Variants in ELMO1 observed in about 807,000 individuals in gnomAD.
ELMO1 encodes engulfment and cell motility 1, also known as engulfment and cell motility protein 1.
In ELMO1, 26 loss-of-function variants were observed where a neutral mutation model predicts 98.9. The observed-to-expected ratio is 0.26, with a 90% confidence interval of 0.19 to 0.36. ELMO1 has a LOEUF of 0.36. ELMO1 is among the 10% of genes least tolerant of loss of function. The pLI is 1.00. For missense variants in ELMO1, 627 were observed against 935.2 expected (o/e 0.67, Z 4.30); for synonymous variants, 346 against 346.0 (o/e 1.00, Z 0.00).
intron 16 of ELMO1, among the ~76,000 whole-genome samples, chr7:36,955,601 C>A (rs769719003): frequency 2.6e-5 from 4 of 152,140 alleles, no homozygotes; most frequent in Non-Finnish European, 5.9e-5. Context: ...AACACATGTA[C>A]ATCTTTTTAT....
At chr7:36,939,027 C>G (rs1786787898) in intron 16 of ELMO1, among the ~76,000 whole-genome samples, 1 of 151,694 alleles carries the variant, frequency 6.6e-6, no homozygotes, top group South Asian at 2.1e-4. Flanking sequence ...GACCTTGTCT[C>G]TTAAAAACAA....
intron 16 of ELMO1, among the ~76,000 whole-genome samples, chr7:37,003,496 T>C (rs768696783): frequency 6.6e-6 from 1 of 152,208 alleles, no homozygotes; most frequent in Non-Finnish European, 1.5e-5. Flanking sequence ...CTTGGCTCTA[T>C]GCTGGTGACA....
At chr7:37,416,714 A>G (rs1348846061) in intron 1 of ELMO1, among the ~76,000 whole-genome samples, 6 of 152,248 alleles carry the variant, frequency 3.9e-5, no homozygotes, top group African/African-American at 7.2e-5. Flanking sequence ...ATGGAAGCCC[A>G]ACGAAGAAAG....
At chr7:37,180,226 G>C (rs1452796112) in intron 13 of ELMO1, among the ~76,000 whole-genome samples, 1 of 152,218 alleles carries the variant, frequency 6.6e-6, no homozygotes. Context: ...ACAGAATTGG[G>C]ACAGCTTTAC....
At chr7:37,335,596 T>C (rs1340362296) in intron 2 of ELMO1, among the ~76,000 whole-genome samples, 1 of 152,148 alleles carries the variant, frequency 6.6e-6, no homozygotes, top group Admixed American at 6.5e-5. Context: ...AAACAAAATC[T>C]TTCCCCAAAT....
chr7:36,972,004 T>C (rs949396935), intron 16 of ELMO1, among the ~76,000 whole-genome samples: 4 of 152,198 alleles, frequency 2.6e-5, no homozygotes, highest in African/African-American at 7.2e-5. Flanking sequence ...GTGTGATTCA[T>C]GGGTCTGGGG....
chr7:36,924,827 T>C (rs1287323702), intron 16 of ELMO1, among the ~76,000 whole-genome samples: 1 of 152,140 alleles, frequency 6.6e-6, no homozygotes, highest in Non-Finnish European at 1.5e-5. Flanking sequence ...GGGGGAATAA[T>C]TGAAAACTGA....
At chr7:37,040,216 C>A (rs538543427) in intron 15 of ELMO1, among the ~76,000 whole-genome samples, 94 of 152,278 alleles carry the variant, frequency 6.2e-4, no homozygotes, top group African/African-American at 2.1e-3. Flanking sequence ...AGGTGTTCAA[C>A]TTAGACACCT....
intron 1 of ELMO1, among the ~76,000 whole-genome samples, chr7:37,401,001 A>T (rs1803505410): frequency 6.6e-6 from 1 of 152,134 alleles, no homozygotes; most frequent in South Asian, 2.1e-4. Context: ...ATTGAAAGAG[A>T]CATCCGCCTG....
At chr7:37,067,156 A>C (rs73121128) in intron 15 of ELMO1, among the ~76,000 whole-genome samples, 12,774 of 152,266 alleles carry the variant, frequency 0.084, 642 homozygotes, top group Middle Eastern at 0.18. Context: ...TTTTAGGTAA[A>C]GGTTTAAATT....
intron 1 of ELMO1, among the ~76,000 whole-genome samples, chr7:37,394,411 G>A (rs1304444793): frequency 1.3e-5 from 2 of 152,162 alleles, no homozygotes; most frequent in Non-Finnish European, 2.9e-5. Flanking sequence ...ACAGGCCTCA[G>A]ACGGTCAGCA....
At chr7:37,216,807 T>C in intron 10 of ELMO1, 112 bp from the exon 11 acceptor site, 1 of 1,050,614 alleles carries the variant, frequency 9.5e-7, no homozygotes, top group Non-Finnish European at 1.5e-6. Context: ...ATCAGCAGTA[T>C]TTCTTATGAA....
At chr7:36,933,889 G>A (rs1984628) in intron 16 of ELMO1, among the ~76,000 whole-genome samples, 1 of 152,126 alleles carries the variant, frequency 6.6e-6, no homozygotes, top group African/African-American at 2.4e-5. Flanking sequence ...CAAGTTGCCC[G>A]TCCCATCTGA....
At chr7:37,337,998 C>T (rs1800516112) in intron 2 of ELMO1, among the ~76,000 whole-genome samples, 1 of 152,114 alleles carries the variant, frequency 6.6e-6, no homozygotes, top group African/African-American at 2.4e-5. Flanking sequence ...TTTCTCCTTC[C>T]TAAACATTGA....
At chr7:37,166,120 C>A (rs1318883370) in intron 13 of ELMO1, among the ~76,000 whole-genome samples, 1 of 152,106 alleles carries the variant, frequency 6.6e-6, no homozygotes, top group Non-Finnish European at 1.5e-5. Flanking sequence ...TCTAGATTAT[C>A]TGCATAGAGG....
At chr7:37,414,717 G>T (rs1014123675) in intron 1 of ELMO1, among the ~76,000 whole-genome samples, 1 of 152,130 alleles carries the variant, frequency 6.6e-6, no homozygotes, top group African/African-American at 2.4e-5. Context: ...AGCTTTTATT[G>T]TTTAAGCCAG....
Position 36,940,086 on chromosome 7 carries a change from C to T in ELMO1, c.1438-45069G>A, listed in dbSNP as rs544892228. 1.6e-4 allele frequency among the ~76,000 whole-genome samples: 24 copies of T among 152,282 alleles called. No homozygotes were observed. The South Asian group carries it at 4.4e-3, about 28-fold the overall frequency. ...GAATCTGGAGTGGCATATGTTGTTG[C>T]CATTCCCCTAACCCCATTAGCAGCT... is the stretch of plus-strand genomic sequence containing the variant. On this transcript the variant is annotated intron_variant, in intron 16 of 21. Coordinates refer to ENST00000310758, the MANE Select transcript of ELMO1 (RefSeq NM_014800.11).
intron 4 of ELMO1, among the ~76,000 whole-genome samples, chr7:37,309,721 C>T (rs867085915): frequency 6.6e-6 from 1 of 152,038 alleles, no homozygotes; most frequent in African/African-American, 2.4e-5. Flanking sequence ...AGCAAAGGGG[C>T]GGGGACTGAA....
intron 16 of ELMO1, among the ~76,000 whole-genome samples, chr7:36,913,260 T>C (rs954714472): frequency 6.6e-5 from 10 of 152,226 alleles, no homozygotes; most frequent in African/African-American, 2.4e-4. Context: ...AAAACTTTAA[T>C]ACATCTCTGT....
Sources: gnomAD v4.1 joint callset for allele counts (sites outside exome capture counted in the v4.1 genomes callset) on GRCh38, gnomAD v4.1.1 for gene constraint, MANE v1.5 for transcripts, NCBI Gene and HGNC (gene_info 2026-07-23, HGNC 2026-07-21) for gene names.